Variants in CNOT3 observed in about 807,000 individuals in gnomAD.
The protein encoded by CNOT3 is CCR4-associated factor 3.
CNOT3 carries 2 observed loss-of-function variants against 89.4 expected under a neutral mutation model. That is an observed-to-expected ratio of 0.02 (90% CI 0.01 to 0.07). The LOEUF (loss-of-function observed/expected upper bound fraction) is 0.07, where lower values mean the gene tolerates loss of function less well. Among genes scored for constraint, CNOT3 ranks in the 10% least tolerant of loss-of-function variants. CNOT3 has a pLI of 1.00. For missense variants in CNOT3, 664 were observed against 1,010.2 expected (o/e 0.66, Z 4.65); for synonymous variants, 486 against 402.0 (o/e 1.21, Z -2.50).
At chr19:54,149,145 A>G (rs1483175914) in intron 12 of CNOT3, among the ~76,000 whole-genome samples, 3 of 152,136 alleles carry the variant, frequency 2.0e-5, no homozygotes, top group African/African-American at 7.2e-5. Flanking sequence ...AGACCATTCC[A>G]CTGGGTCTGC....
intron 13 of CNOT3, 108 bp downstream of exon 13, chr19:54,149,866 C>A: frequency 8.7e-7 from 1 of 1,153,392 alleles, no homozygotes; most frequent in East Asian, 2.7e-5. Context: ...GGATCTCTCT[C>A]TGGCTTTCTG....
At position 54,153,852 on chromosome 19, in the gene CNOT3, GC is replaced by G. The variant is rs748705094; in HGVS notation, c.2163+17del. 6.2e-7 allele frequency: 1 copy of G among 1,614,014 alleles called. No homozygotes were observed. The highest frequency in any genetic ancestry group is 8.5e-7 in the Non-Finnish European group (1 of 1,179,910). ...ACGAGTTTGAGCAGGTGAGGGCCCC[GC>G]CCCCTCTCTTCCCGCTGCTAGGGTT... On this transcript the variant is annotated intron_variant, in intron 17 of 17. Coordinates refer to ENST00000221232, the MANE Select transcript of CNOT3 (RefSeq NM_014516.4).
chr19:54,145,991 C>A lies in CNOT3; in HGVS notation c.785C>A (p.Thr262Asn). Residue 262 changes from threonine to asparagine, a missense_variant, in exon 9 of 18, where the codon ACC becomes AAC. By Grantham distance (65) the Thr-to-Asn change is moderately conservative. Around this residue, in one of 8 missense-constraint regions of CNOT3, gnomAD observed 545 missense variants for 566.2 expected, o/e 0.96. Coordinates refer to ENST00000221232, the MANE Select transcript of CNOT3 (RefSeq NM_014516.4). This position sits in a 1 kb window ranked among gnomAD's most constrained non-coding sequence, Gnocchi z 5.9. ...TTCAACCAGTCCAGCAGCACGCCCA[C>A]CTCAACCACCTCCAGCTCTCCCATC... Reference protein sequence around the residue: ...EIFNQSSSTPTSTTSSSPIPP... With the variant: ...EIFNQSSSTPNSTTSSSPIPP... 1 of 1,613,856 alleles carries A rather than the reference C, an allele frequency of 6.2e-7. No homozygotes were observed. The highest frequency in any genetic ancestry group is 8.5e-7 in the Non-Finnish European group (1 of 1,179,818).
At chr19:54,152,366 G>A (rs1472915523) in intron 14 of CNOT3, 41 bp downstream of exon 14, 1 of 1,613,908 alleles carries the variant, frequency 6.2e-7, no homozygotes, top group African/African-American at 1.3e-5. Flanking sequence ...GGGCCAAAGA[G>A]GAGGGGCTGC....
At chr19:54,152,686 G>A in intron 15 of CNOT3, 60 bp downstream of exon 15, 1 of 1,415,830 alleles carries the variant, frequency 7.1e-7, no homozygotes, top group African/African-American at 1.4e-5. Flanking sequence ...GGAGGCAGTG[G>A]CTGAACCTGT....
Position 54,146,062 on chromosome 19 carries a change from C to G in CNOT3, c.837+19C>G, listed in dbSNP as rs752188578. ...TACCACGGTGAGGCCCCACGGGACACTAGTACCTTGTGTTTCCAGCAGGGC... is the reference window on the plus strand; with the variant it reads ...TACCACGGTGAGGCCCCACGGGACAGTAGTACCTTGTGTTTCCAGCAGGGC... On this transcript the variant is annotated intron_variant, in intron 9 of 17. Coordinates refer to ENST00000221232, the MANE Select transcript of CNOT3 (RefSeq NM_014516.4). The G allele has an allele frequency of 1.2e-6, 2 of 1,611,218 alleles. No homozygotes were observed. The highest frequency in any genetic ancestry group is 1.7e-6 in the Non-Finnish European group (2 of 1,178,978).
At position 54,145,564 on chromosome 19, in the gene CNOT3, C is replaced by T. The variant is rs1379951398; in HGVS notation, c.484-34C>T. 4 of 1,485,256 alleles carry T rather than the reference C, an allele frequency of 2.7e-6. No homozygotes were observed. The highest frequency in any genetic ancestry group is 3.4e-4 in the Middle Eastern group (2 of 5,818). The allele number at this position is 1,485,256 out of a possible 1,614,324, so 92.0% of individuals were successfully genotyped here. The stretch of plus-strand genomic sequence containing the variant: ...CAGGAGGGGCCAAGCAGGTGCTCTG[C>T]AGCCCCTGAGCCTGGCCCTGGGCTC... On this transcript the variant is annotated intron_variant, in intron 7 of 17. Transcript: ENST00000221232. This position sits in a 1 kb window ranked among gnomAD's most constrained non-coding sequence, Gnocchi z 5.9.
chr19:54,146,102 C>G, intron 9 of CNOT3, 59 bp downstream of exon 9: 1 of 1,589,006 alleles, frequency 6.3e-7, no homozygotes, highest in Non-Finnish European at 8.6e-7. Flanking sequence ...CTCGAGGAGA[C>G]AAATCTGGGT....
intron 13 of CNOT3, among the ~76,000 whole-genome samples, chr19:54,150,487 T>G (rs2146705570): frequency 6.7e-6 from 1 of 150,002 alleles, no homozygotes; most frequent in East Asian, 2.0e-4. Context: ...GGTGGGGTCC[T>G]GATCATCGAG....
intron 1 of CNOT3, among the ~76,000 whole-genome samples, chr19:54,138,763 G>A (rs1001383602): frequency 1.3e-5 from 2 of 152,214 alleles, no homozygotes; most frequent in South Asian, 4.1e-4. Flanking sequence ...AGCGAGTAGC[G>A]CCCTGGGTGG....
chr19:54,152,916 A>G lies in CNOT3; in HGVS notation c.1954A>G (p.Met652Val). 1 of 1,538,096 alleles carries G rather than the reference A, an allele frequency of 6.5e-7. No homozygotes were observed. Among genetic ancestry groups the G allele is most frequent in the Non-Finnish European group, 8.8e-7 (1 of 1,132,908 alleles). Residue 652 changes from methionine (M) to valine (V), a missense_variant, in exon 16 of 18, where the codon ATG (methionine) becomes GTG (valine). Met to Val is a conservative substitution (Grantham distance 21). Around this residue, in one of 8 missense-constraint regions of CNOT3, gnomAD observed 545 missense variants for 566.2 expected, o/e 0.96. Coordinates refer to ENST00000221232, the MANE Select transcript of CNOT3 (RefSeq NM_014516.4). ...TCCGACGCCCCCCTACCACCACCAG[A>G]TGCCACCCCCACACTCGGACACTGT... ...PCPTPPYHHQ[M>V]PPPHSDTVEF...
At chr19:54,150,633 G>C (rs2075034658) in intron 13 of CNOT3, among the ~76,000 whole-genome samples, 1 of 142,102 alleles carries the variant, frequency 7.0e-6, no homozygotes, top group Non-Finnish European at 1.5e-5. Context: ...TGCGCGCCCA[G>C]GCTGTCCAGG....
chr19:54,142,647 G>A (rs1381454224), intron 1 of CNOT3: 1 of 537,530 alleles, frequency 1.9e-6, no homozygotes, highest in Admixed American at 3.1e-5. Flanking sequence ...TGGGGAGAAG[G>A]TACTCCATGC....
intron 13 of CNOT3, among the ~76,000 whole-genome samples, chr19:54,151,548 C>T (rs587630220): frequency 7.2e-5 from 11 of 152,286 alleles, no homozygotes; most frequent in East Asian, 1.9e-4. Context: ...TAAGCCTTGG[C>T]GACTGACTCG....
chr19:54,149,475 C>CT (rs2146677949), intron 12 of CNOT3, 85 bp from the exon 13 acceptor site: 1 of 789,980 alleles, frequency 1.3e-6, no homozygotes, highest in South Asian at 1.9e-5. Context: ...TCTGTGCAGT[C>CT]TCCCCTCTCT....
chr19:54,143,191 A>C lies in CNOT3; in HGVS notation c.93+5A>C. 6.2e-7 allele frequency: 1 copy of C among 1,612,324 alleles called. No homozygotes were observed. Among genetic ancestry groups the C allele is most frequent in the East Asian group, 2.2e-5 (1 of 44,878 alleles). ...TTTGAAGATATTTGGCAGAAGGTAC[A>C]GGGGCTGAGACCCTAATAATCTGGG... On this transcript the variant is annotated splice_donor_5th_base_variant and intron_variant, in intron 3 of 17. Transcript: ENST00000221232.
Position 54,153,695 on chromosome 19 carries a change from C to T in CNOT3, c.2038-20C>T, listed in dbSNP as rs1455740137. On this transcript the variant is annotated intron_variant, in intron 16 of 17. Transcript: ENST00000221232. ...AGTTTGGGGGCCCCCTGATCCCCCT[C>T]TCCACTGTTCCTCCCCCAGGGCACT... 3.1e-6 allele frequency: 5 copies of T among 1,611,788 alleles called. No individual in the cohort carries two copies. The highest frequency in any genetic ancestry group is 2.2e-5 in the East Asian group (1 of 44,868).
chr19:54,138,910 C>T (rs1417262713), intron 1 of CNOT3, among the ~76,000 whole-genome samples: 2 of 152,234 alleles, frequency 1.3e-5, no homozygotes, highest in East Asian at 3.9e-4. Context: ...ATCCTGGCGT[C>T]TGCCCCTGGC....
chr19:54,141,909 C>T (rs1267874460), intron 1 of CNOT3: 3 of 152,202 alleles, frequency 2.0e-5, no homozygotes, highest in African/African-American at 2.4e-5. Flanking sequence ...CCCCTGGTCT[C>T]GCTGTCAGGC....
Sources: gnomAD v4.1 joint callset for allele counts (sites outside exome capture counted in the v4.1 genomes callset) on GRCh38, gnomAD v4.1.1 for gene constraint, gnomAD v4.1.1 regional missense constraint, Gnocchi (gnomAD v3.1) non-coding constraint, MANE v1.5 for transcripts, NCBI Gene and HGNC (gene_info 2026-07-23, HGNC 2026-07-21) for gene names.